Variants in UBP1 observed in about 807,000 individuals in gnomAD.
UBP1 encodes the protein upstream binding protein 1.
A neutral mutation model predicts 76.1 loss-of-function variants in UBP1; 22 were observed. That is an observed-to-expected ratio of 0.29 (90% CI 0.21 to 0.41). UBP1 has a LOEUF of 0.41. UBP1 is among the 10% of genes least tolerant of loss of function. UBP1 has a pLI of 1.00. For synonymous variants in UBP1, 224 were observed against 237.1 expected, an observed-to-expected ratio of 0.94 and a Z score of 0.51; for missense variants, 436 against 668.1, an observed-to-expected ratio of 0.65 and a Z score of 3.83.
intron 8 of UBP1, among the ~76,000 whole-genome samples, chr3:33,407,883 T>A (rs1038871328): frequency 6.6e-6 from 1 of 152,264 alleles, no homozygotes; most frequent in Non-Finnish European, 1.5e-5. Context: ...ACTGAAGGTA[T>A]GTAGCTGATC....
intron 1 of UBP1, among the ~76,000 whole-genome samples, chr3:33,431,035 GA>G (rs1340445194): frequency 2.6e-5 from 4 of 152,106 alleles, no homozygotes; most frequent in Non-Finnish European, 4.4e-5. Context: ...GAAGGAACAG[GA>G]AACTTTAAAG....
In UBP1 at chr3:33,407,045, T is replaced by C. The variant is rs563685882; in HGVS notation, c.927+1645A>G. 7.2e-5 allele frequency among the ~76,000 whole-genome samples: 11 copies of C among 152,364 alleles called. No individual in the cohort carries two copies. The South Asian group carries it at 2.3e-3, about 32-fold the overall frequency. On this transcript the variant is annotated intron_variant, in intron 8 of 15. Coordinates refer to ENST00000283629, the MANE Select transcript of UBP1 (RefSeq NM_014517.5). ...TCTATGAAATGTTGGCCTTCCTTTG[T>C]AGGAGTTTGAAGAAACATATGAAAT...
Position 33,424,114 on chromosome 3 carries a change from T to A in UBP1, c.265+1476A>T, listed in dbSNP as rs202067240. Among the ~76,000 whole-genome samples, 39 of 152,350 alleles carry A rather than the reference T, an allele frequency of 2.6e-4. No homozygotes were observed. In the East Asian group the frequency reaches 5.6e-3, roughly 22 times the overall value. ...TCTTTAGAAATAAAGTTACAGTGAA[T>A]ATCCTTGCCCCTACATTGTTTCTTC... On this transcript the variant is annotated intron_variant, in intron 2 of 15. Coordinates refer to ENST00000283629, the MANE Select transcript of UBP1 (RefSeq NM_014517.5).
At chr3:33,413,894 C>T (rs901114356) in intron 3 of UBP1, among the ~76,000 whole-genome samples, 1 of 152,182 alleles carries the variant, frequency 6.6e-6, no homozygotes, top group Non-Finnish European at 1.5e-5. Flanking sequence ...GCCCCTAAGA[C>T]ACCAATGCCA....
In UBP1 at chr3:33,439,870, C is replaced by G; in HGVS notation, c.-22G>C. The G allele has an allele frequency of 4.3e-6, 7 of 1,609,418 alleles. No individual in the cohort carries two copies. The highest frequency in any genetic ancestry group is 5.9e-6 in the Non-Finnish European group (7 of 1,178,522). On this transcript the variant is annotated 5_prime_UTR_variant, in exon 1 of 16. Transcript: ENST00000283629. ...CCATCTTCCGGCCTCGCCGTCGCCC[C>G]GCACACCGCGGCCTCCGCGTCCAGG...
chr3:33,413,443 A>G (rs112316106), intron 3 of UBP1, among the ~76,000 whole-genome samples: 2,105 of 149,974 alleles, frequency 0.014, 20 homozygotes, highest in South Asian at 0.027. Context: ...GCTACTTGGG[A>G]GGCTGAGGCA....
intron 1 of UBP1, among the ~76,000 whole-genome samples, chr3:33,433,959 C>A (rs933593946): frequency 6.6e-6 from 1 of 151,958 alleles, no homozygotes; most frequent in Non-Finnish European, 1.5e-5. Context: ...AGTCATAGAA[C>A]CTACAGCTAA....
At position 33,389,793 on chromosome 3, in the gene UBP1, T is replaced by C. The variant is rs1297550072; in HGVS notation, c.*538A>G. 1.3e-5 allele frequency: 2 copies of C among 154,146 alleles called. No individual in the cohort carries two copies. Among genetic ancestry groups the C allele is most frequent in the African/African-American group, 4.8e-5 (2 of 41,432 alleles). The allele number at this position is 154,146 out of a possible 1,614,324, so 9.5% of individuals were successfully genotyped here. On this transcript the variant is annotated 3_prime_UTR_variant, in exon 16 of 16. Transcript: ENST00000283629. ...ATCAAACGTACACCCTCAGACATGA[T>C]TTCTTCCAAGAAGGTGCCGAGCCTC...
At chr3:33,428,058 T>C (rs1271929279) in intron 1 of UBP1, among the ~76,000 whole-genome samples, 1 of 151,976 alleles carries the variant, frequency 6.6e-6, no homozygotes, top group African/African-American at 2.4e-5. Flanking sequence ...GGGGCACGCC[T>C]GTAGTCCCAG....
At chr3:33,414,613 T>C (rs9814432) in intron 3 of UBP1, among the ~76,000 whole-genome samples, 1,687 of 152,234 alleles carry the variant, frequency 0.011, 24 homozygotes, top group African/African-American at 0.038. Flanking sequence ...CTCTAGAAAT[T>C]TGAAGCATAT....
chr3:33,396,694 C>T (rs1243673052), intron 12 of UBP1: 1 of 457,128 alleles, frequency 2.2e-6, no homozygotes, highest in African/African-American at 2.0e-5. Flanking sequence ...TTTTTAATAA[C>T]TGTTTAGTAA....
rs183316665 is a variant in UBP1, at chr3:33,412,627, C to T, written c.448+95G>A. The T allele has an allele frequency of 7.2e-6, 6 of 830,340 alleles. No individual in the cohort carries two copies. In the African/African-American group the frequency reaches 8.6e-5, roughly 12 times the overall value. 51.4% of individuals were successfully genotyped at this position (830,340 alleles called of 1,614,324 possible). A position where few individuals can be genotyped will look rare whatever the true frequency, so the allele number is the denominator to read the frequency against. ...CAAAATCCACAAACACCAAAACTTT[C>T]CCCACACAAGTAATTCATGATGCCA... On this transcript the variant is annotated intron_variant, in intron 4 of 15. Coordinates refer to ENST00000283629, the MANE Select transcript of UBP1 (RefSeq NM_014517.5).
At chr3:33,424,338 T>C (rs538421684) in intron 2 of UBP1, among the ~76,000 whole-genome samples, 140 of 152,318 alleles carry the variant, frequency 9.2e-4, no homozygotes, top group Middle Eastern at 6.8e-3. Context: ...AATGAAAAGG[T>C]AGAAATAAGT....
chr3:33,424,822 G>C (rs2044984682), intron 2 of UBP1, among the ~76,000 whole-genome samples: 1 of 152,118 alleles, frequency 6.6e-6, no homozygotes, highest in South Asian at 2.1e-4. Context: ...GAGGCAGGCG[G>C]ATCACTTAAG....
Position 33,400,182 on chromosome 3 carries a change from C to T in UBP1, c.1180+7G>A. On this transcript the variant is annotated splice_region_variant and intron_variant, in intron 11 of 15. Coordinates refer to ENST00000283629, the MANE Select transcript of UBP1 (RefSeq NM_014517.5). Reference sequence around the variant, plus strand: ...TCATGCACAGATACACACACACATACACATACCTGAAAAATTAGAGAACAG... The same window carrying T: ...TCATGCACAGATACACACACACATATACATACCTGAAAAATTAGAGAACAG... The T allele has an allele frequency of 6.4e-7, 1 of 1,567,776 alleles. No individual in the cohort carries two copies. The highest frequency in any genetic ancestry group is 8.6e-7 in the Non-Finnish European group (1 of 1,158,160).
chr3:33,390,594 C>T (rs539677130), intron 15 of UBP1: 19 of 581,662 alleles, frequency 3.3e-5, no homozygotes, highest in Middle Eastern at 3.2e-4. Flanking sequence ...CCACTATCAA[C>T]GCCCGCATTC....
chr3:33,433,163 C>T (rs1490933309), intron 1 of UBP1, among the ~76,000 whole-genome samples: 5 of 150,968 alleles, frequency 3.3e-5, no homozygotes, highest in South Asian at 4.2e-4. Flanking sequence ...CGGGATCAAA[C>T]GATTCTCCTG....
intron 1 of UBP1, among the ~76,000 whole-genome samples, chr3:33,436,877 C>A (rs573625856): frequency 6.6e-6 from 1 of 152,272 alleles, no homozygotes; most frequent in South Asian, 2.1e-4. Flanking sequence ...ACATCTATGA[C>A]CCTCAGATAA....
chr3:33,439,668 G>T, intron 1 of UBP1, 68 bp downstream of exon 1: 1 of 1,537,596 alleles, frequency 6.5e-7, no homozygotes, highest in South Asian at 1.1e-5. Context: ...GCATCTGGCA[G>T]AGACTCAGGG....
Sources: allele counts gnomAD v4.1 joint callset (sites outside exome capture counted in the v4.1 genomes callset), GRCh38; gene constraint gnomAD v4.1.1; transcripts MANE v1.5; gene names NCBI Gene and HGNC (gene_info 2026-07-23, HGNC 2026-07-21).